The following IL16 variants were observed in gnomAD, a reference collection of about 807,000 sequenced individuals.
IL16 encodes the protein interleukin 16.
IL16 carries 67 observed loss-of-function variants against 110.1 expected under a neutral mutation model. The ratio of observed to expected loss-of-function variants is 0.61; its 90% CI spans 0.50 to 0.75. The LOEUF (loss-of-function observed/expected upper bound fraction) is 0.75, where lower values mean the gene tolerates loss of function less well. IL16 is among the 30% of genes least tolerant of loss of function. The probability of loss-of-function intolerance (pLI) is 0.00; values close to 1 mark genes in which losing one functional copy is unlikely to be tolerated. For synonymous variants in IL16, 689 were observed against 662.9 expected, an observed-to-expected ratio of 1.04 and a Z score of -0.61; for missense variants, 1,545 against 1,655.0, an observed-to-expected ratio of 0.93 and a Z score of 1.15.
At chr15:81,306,281 A>G (rs1900554511) in intron 17 of IL16, 115 bp downstream of exon 17, 5 of 1,518,956 alleles carry the variant, frequency 3.3e-6, no homozygotes, top group Non-Finnish European at 4.4e-6. Context: ...GTGGCTGCCT[A>G]GTACACTGCC....
At chr15:81,272,785 G>T (rs2142253846) in intron 5 of IL16, among the ~76,000 whole-genome samples, 1 of 152,290 alleles carries the variant, frequency 6.6e-6, no homozygotes, top group Non-Finnish European at 1.5e-5. Flanking sequence ...CCAACTGGAG[G>T]GACAGAGCCA....
intron 2 of IL16, among the ~76,000 whole-genome samples, chr15:81,250,230 CG>C (rs1457133410): frequency 2.6e-5 from 4 of 152,144 alleles, no homozygotes; most frequent in African/African-American, 9.7e-5. Flanking sequence ...AGTGCAGTGA[CG>C]TGATCTCGGC....
chr15:81,280,392 A>G (rs1292870354), intron 8 of IL16, among the ~76,000 whole-genome samples: 1 of 152,246 alleles, frequency 6.6e-6, no homozygotes, highest in Admixed American at 6.5e-5. Context: ...AGCTGACATC[A>G]GGGTACTTGG....
intron 2 of IL16, among the ~76,000 whole-genome samples, chr15:81,243,165 T>TA (rs1595985718): frequency 3.0e-3 from 40 of 13,282 alleles, no homozygotes; most frequent in East Asian, 0.011. Context: ...ATATATATAT[T>TA]TTTTTTTTTT....
intron 2 of IL16, among the ~76,000 whole-genome samples, chr15:81,242,524 G>A (rs1897372330): frequency 6.6e-6 from 1 of 151,982 alleles, no homozygotes; most frequent in Non-Finnish European, 1.5e-5. Flanking sequence ...ATTTTAATTT[G>A]GGTGTCCAAA....
At chr15:81,242,380 CTG>C (rs1436906266) in intron 2 of IL16, among the ~76,000 whole-genome samples, 1 of 152,076 alleles carries the variant, frequency 6.6e-6, no homozygotes, top group Non-Finnish European at 1.5e-5. Flanking sequence ...TGGTATGTCT[CTG>C]TATTTATTTA....
chr15:81,236,336 A>G (rs67645404), intron 2 of IL16, among the ~76,000 whole-genome samples: 22,935 of 152,098 alleles, frequency 0.15, 2,018 homozygotes, highest in Middle Eastern at 0.21. Context: ...AGAGCGACTT[A>G]TGGATGCTGA....
At chr15:81,246,870 C>G (rs1897568821) in intron 2 of IL16, among the ~76,000 whole-genome samples, 1 of 152,054 alleles carries the variant, frequency 6.6e-6, no homozygotes, top group African/African-American at 2.4e-5. Flanking sequence ...TTAATTTTTA[C>G]AGGCCCCTAA....
intron 4 of IL16, 116 bp from the exon 5 acceptor site, chr15:81,269,422 C>G (rs896428436): frequency 2.5e-5 from 18 of 728,546 alleles, no homozygotes; most frequent in Non-Finnish European, 2.0e-5. Flanking sequence ...GCTGCCTGCC[C>G]TTAGGAGAAA....
chr15:81,280,312 A>G (rs566877231), intron 8 of IL16, among the ~76,000 whole-genome samples: 289 of 152,350 alleles, frequency 1.9e-3, no homozygotes, highest in African/African-American at 6.7e-3. Flanking sequence ...GGGCTCCAGC[A>G]CAGGGGCCAG....
intron 1 of IL16, among the ~76,000 whole-genome samples, chr15:81,187,534 G>T (rs934058094): frequency 2.6e-5 from 4 of 151,306 alleles, no homozygotes; most frequent in Non-Finnish European, 5.9e-5. Flanking sequence ...GGTTGAGTTT[G>T]CAGTGAACTA....
At position 81,279,547 on chromosome 15, in the gene IL16, C is replaced by G. The variant is rs1168204326; in HGVS notation, c.865-11C>G. The G allele has an allele frequency of 1.9e-6, 3 of 1,606,460 alleles. 1 individual carries two copies. Among genetic ancestry groups the G allele is most frequent in the Middle Eastern group, 3.3e-4 (2 of 6,034 alleles). On this transcript the variant is annotated splice_polypyrimidine_tract_variant and intron_variant, in intron 7 of 18. Transcript: ENST00000683961. ...GCTGCTGGGTGTTGTAGCCCTCTCT[C>G]TTTCTTTCAGCAAGCCAAAAAGGGG...
At position 81,311,125 on chromosome 15, in the gene IL16, G is replaced by A. The variant is rs553381174; in HGVS notation, c.*2327G>A. ...CATGATGCTGGGATTTACACTTGAG[G>A]CTTAGCTTTGCTCTGCCAACTTCTT... On this transcript the variant is annotated 3_prime_UTR_variant, in exon 19 of 19. Coordinates refer to ENST00000683961, the MANE Select transcript of IL16 (RefSeq NM_172217.5). 6.6e-6 allele frequency: 1 copy of A among 152,300 alleles called. No homozygotes were observed. Among genetic ancestry groups the A allele is most frequent in the African/African-American group, 2.4e-5 (1 of 41,574 alleles). 9.4% of individuals were successfully genotyped at this position (152,300 alleles called of 1,614,324 possible).
chr15:81,224,526 C>A (rs1222810984), intron 1 of IL16, among the ~76,000 whole-genome samples: 1 of 152,190 alleles, frequency 6.6e-6, no homozygotes, highest in Non-Finnish European at 1.5e-5. Flanking sequence ...GAAGCAGGAG[C>A]CCCTGGGCCT....
In IL16 at chr15:81,292,792, G is replaced by C. The variant is rs761450881; in HGVS notation, c.1657G>C (p.Val553Leu). ...CAGCTTGCCTCTGGCACGGGAGCCA[G>C]TGGTGCTTTCTATAGCATCCTCCAG... ...SPSLPLAREPVVLSIASSRLP... is the reference protein window; with the variant it reads ...SPSLPLAREPLVLSIASSRLP... The change falls in exon 12 of 19, where the codon GTG (valine) becomes CTG (leucine). Residue 553 changes from valine to leucine, a missense_variant. Val to Leu is a conservative substitution (Grantham distance 32). Transcript: ENST00000683961. 2 of 1,614,030 alleles carry C rather than the reference G, an allele frequency of 1.2e-6. No homozygotes were observed. Among genetic ancestry groups the C allele is most frequent in the South Asian group, 2.2e-5 (2 of 91,084 alleles).
In IL16 at chr15:81,300,184, A is replaced by G. The variant is rs1158652662; in HGVS notation, c.2858A>G (p.Gln953Arg). 9.9e-6 allele frequency: 16 copies of G among 1,611,650 alleles called. No homozygotes were observed. The highest frequency in any genetic ancestry group is 1.3e-5 in the African/African-American group (1 of 74,858). ...CTGTCAACACAGGCTGAGGAATCTC[A>G]AGGCCCAGTGCTCAAGATGCCTAGC... ...RLLSTQAEES[Q>R]GPVLKMPSQR... Residue 953 changes from glutamine (Q) to arginine (R), a missense_variant, in exon 14 of 19, where the codon CAA becomes CGA. Gln to Arg is a conservative substitution (Grantham distance 43). This residue lies in a region of IL16 where 1,185 missense variants were observed against 1,238.8 expected (regional missense o/e 0.96). Transcript: ENST00000683961.
chr15:81,241,262 A>T (rs1897326875), intron 2 of IL16, among the ~76,000 whole-genome samples: 1 of 151,958 alleles, frequency 6.6e-6, no homozygotes, highest in South Asian at 2.1e-4. Context: ...GTTTATTTAG[A>T]TATACTTATT....
At chr15:81,194,672 G>A (rs1307076454), upstream of IL16, among the ~76,000 whole-genome samples, 1 of 152,122 alleles carries the variant, frequency 6.6e-6, no homozygotes, top group Non-Finnish European at 1.5e-5. Flanking sequence ...ATCACTTGTT[G>A]AACAGATTTC....
chr15:81,260,331 G>C (rs1898104685), intron 3 of IL16, among the ~76,000 whole-genome samples: 1 of 152,146 alleles, frequency 6.6e-6, no homozygotes, highest in East Asian at 1.9e-4. Context: ...CATAATATTA[G>C]AGATCATCTA....
Sources: gnomAD v4.1 joint callset for allele counts (sites outside exome capture counted in the v4.1 genomes callset) on GRCh38, gnomAD v4.1.1 for gene constraint, gnomAD v4.1.1 regional missense constraint, MANE v1.5 for transcripts, NCBI Gene and HGNC (gene_info 2026-07-23, HGNC 2026-07-21) for gene names.